The following HELLS variants were observed in gnomAD, a reference collection of about 807,000 sequenced individuals.
The protein encoded by HELLS is helicase, lymphoid specific, also known as lymphoid-specific helicase.
A neutral mutation model predicts 120.0 loss-of-function variants in HELLS; 32 were observed. The ratio of observed to expected loss-of-function variants is 0.27; its 90% CI spans 0.20 to 0.36. The LOEUF (loss-of-function observed/expected upper bound fraction) is 0.36, where lower values mean the gene tolerates loss of function less well. HELLS is among the 10% of genes least tolerant of loss of function. The probability of loss-of-function intolerance (pLI) is 1.00; values close to 1 mark genes in which losing one functional copy is unlikely to be tolerated. For synonymous variants in HELLS, 341 were observed against 323.4 expected, an observed-to-expected ratio of 1.05 and a Z score of -0.58; for missense variants, 650 against 993.4, an observed-to-expected ratio of 0.65 and a Z score of 4.65.
intron 18 of HELLS, among the ~76,000 whole-genome samples, chr10:94,594,449 GATTAT>G (rs1305742448): frequency 6.6e-6 from 1 of 152,152 alleles, no homozygotes; most frequent in Admixed American, 6.5e-5. Flanking sequence ...AAAATGCTGA[GATTAT>G]AGGAGTGAGT....
chr10:94,604,425 T>G (rs1327258243), downstream of HELLS, among the ~76,000 whole-genome samples: 2 of 152,106 alleles, frequency 1.3e-5, no homozygotes, highest in African/African-American at 2.4e-5. Context: ...CAGCCTACTT[T>G]CTATAAAAGT....
At chr10:94,568,347 C>T (rs1843946154) in intron 6 of HELLS, among the ~76,000 whole-genome samples, 1 of 151,938 alleles carries the variant, frequency 6.6e-6, no homozygotes, top group Non-Finnish European at 1.5e-5. Context: ...TTATCTTTTC[C>T]TCTCTTCCGA....
chr10:94,600,180 A>G (rs751271924), intron 21 of HELLS, among the ~76,000 whole-genome samples: 2 of 152,018 alleles, frequency 1.3e-5, no homozygotes, highest in African/African-American at 2.4e-5. Flanking sequence ...AATCCCAGCT[A>G]CTCAGAAGGC....
At chr10:94,577,068 G>A (rs904759425) in intron 10 of HELLS, 5 of 554,370 alleles carry the variant, frequency 9.0e-6, no homozygotes, top group African/African-American at 5.6e-5. Context: ...ACCTAATCTC[G>A]GAATGTATTA....
In HELLS at chr10:94,574,687, T is replaced by C; in HGVS notation, c.839T>C (p.Leu280Ser). 1 of 1,613,908 alleles carries C rather than the reference T, an allele frequency of 6.2e-7. No individual in the cohort carries two copies. The highest frequency in any genetic ancestry group is 8.5e-7 in the Non-Finnish European group (1 of 1,179,866). The change falls in exon 9 of 22, where the codon TTG becomes TCG. Residue 280 changes from leucine to serine, a missense_variant. Leu to Ser is a moderately radical substitution (Grantham distance 145). Transcript: ENST00000348459. Reference sequence around the variant, plus strand: ...GGACCTTTTCTTGTCTGTGGCCCTTTGTCTACACTTCCTAACTGGATGGCT... The same window carrying C: ...GGACCTTTTCTTGTCTGTGGCCCTTCGTCTACACTTCCTAACTGGATGGCT... The part of the protein sequence containing the change: ...VPGPFLVCGP[L>S]STLPNWMAEF...
At chr10:94,598,751 G>A (rs1257729804) in intron 21 of HELLS, among the ~76,000 whole-genome samples, 1 of 150,618 alleles carries the variant, frequency 6.6e-6, no homozygotes, top group South Asian at 2.1e-4. Context: ...ATTTTTTTCT[G>A]TTCACTCATG....
Position 94,545,788 on chromosome 10 carries a change from G to A in HELLS, c.-134G>A. 1.0e-6 allele frequency: 1 copy of A among 999,252 alleles called. No homozygotes were observed. The highest frequency in any genetic ancestry group is 1.4e-5 in the South Asian group (1 of 72,550). The allele number at this position is 999,252 out of a possible 1,614,324, so 61.9% of individuals were successfully genotyped here. ...TCGCGAGATGACAGGATTTTCCCGC[G>A]AAGGAGAAGCGCGCTTTTTTCCCTG... On this transcript the variant is annotated 5_prime_UTR_variant, in exon 1 of 22. Coordinates refer to ENST00000348459, the MANE Select transcript of HELLS (RefSeq NM_018063.5).
chr10:94,547,674 T>C (rs1842801962), intron 2 of HELLS, among the ~76,000 whole-genome samples: 1 of 152,208 alleles, frequency 6.6e-6, no homozygotes, highest in Admixed American at 6.5e-5. Flanking sequence ...GTATAAACAA[T>C]TGCTATTATT....
chr10:94,573,367 G>A (rs57190039), intron 7 of HELLS, among the ~76,000 whole-genome samples: 8,564 of 152,254 alleles, frequency 0.056, 356 homozygotes, highest in African/African-American at 0.1. Context: ...CACAATATTA[G>A]AAGTTTGGAA....
chr10:94,546,898 G>A (rs546882568), intron 2 of HELLS, among the ~76,000 whole-genome samples: 1 of 152,190 alleles, frequency 6.6e-6, no homozygotes, highest in Admixed American at 6.5e-5. Context: ...ACTAGACTGA[G>A]GGCAGGAGAA....
intron 9 of HELLS, among the ~76,000 whole-genome samples, chr10:94,575,713 G>A (rs557187571): frequency 2.3e-4 from 33 of 146,584 alleles, no homozygotes; most frequent in African/African-American, 5.7e-4. Context: ...GAGCCACTGC[G>A]CCCAGCCTAT....
intron 21 of HELLS, among the ~76,000 whole-genome samples, chr10:94,598,403 C>T (rs1407470650): frequency 1.3e-5 from 2 of 152,128 alleles, no homozygotes; most frequent in African/African-American, 4.8e-5. Context: ...AAGGGATCCT[C>T]CAGCCTCAGC....
chr10:94,548,595 T>C (rs1303932151), intron 2 of HELLS, among the ~76,000 whole-genome samples: 1 of 152,206 alleles, frequency 6.6e-6, no homozygotes, highest in Non-Finnish European at 1.5e-5. Flanking sequence ...TTTAATGACA[T>C]TTTTAAGCTT....
intron 10 of HELLS, 124 bp from the exon 11 acceptor site, chr10:94,581,202 C>A (rs569974192): frequency 5.3e-6 from 3 of 562,904 alleles, no homozygotes; most frequent in African/African-American, 1.9e-5. Context: ...TCAGTAGTTA[C>A]TGAAATTACA....
intron 4 of HELLS, among the ~76,000 whole-genome samples, chr10:94,561,454 C>T (rs1475577475): frequency 6.6e-6 from 1 of 151,936 alleles, no homozygotes; most frequent in African/African-American, 2.4e-5. Flanking sequence ...TTCATAAGGG[C>T]GTCAACTATT....
intron 2 of HELLS, among the ~76,000 whole-genome samples, chr10:94,549,052 A>G (rs961842341): frequency 6.6e-6 from 1 of 151,944 alleles, no homozygotes; most frequent in Non-Finnish European, 1.5e-5. Context: ...TTGCTAAAAC[A>G]TTAGTGTTGT....
At chr10:94,558,585 AT>A (rs1843378295) in intron 4 of HELLS, among the ~76,000 whole-genome samples, 1 of 151,984 alleles carries the variant, frequency 6.6e-6, no homozygotes, top group Non-Finnish European at 1.5e-5. Flanking sequence ...GTGTGCTATC[AT>A]GTCTTCTCTT....
intron 2 of HELLS, among the ~76,000 whole-genome samples, chr10:94,546,740 G>T (rs530872383): frequency 2.2e-4 from 34 of 152,328 alleles, no homozygotes; most frequent in African/African-American, 8.2e-4. Flanking sequence ...ACTTTTAAAT[G>T]AGCATTTCAG....
chr10:94,558,177 G>A lies in HELLS; in HGVS notation c.315G>A (p.Glu105=), dbSNP rs756098021. ...KKKEKLERKK[E]SLKVKKGKNS... is the part of the protein sequence containing the mutation. ...AAGAAAAATTGGAGAGAAAAAAGGAGTCTTTAAAAGTTAAAAAGGTAATAT... is the reference window on the plus strand; with the variant it reads ...AAGAAAAATTGGAGAGAAAAAAGGAATCTTTAAAAGTTAAAAAGGTAATAT... The change falls in exon 4 of 22, where the codon GAG becomes GAA. Residue 105 remains glutamate (E), a synonymous_variant. Coordinates refer to ENST00000348459, the MANE Select transcript of HELLS (RefSeq NM_018063.5). The A allele has an allele frequency of 1.3e-6, 2 of 1,564,342 alleles. No homozygotes were observed. The highest frequency in any genetic ancestry group is 4.2e-5 in the Admixed American group (2 of 47,834).
Sources: allele counts gnomAD v4.1 joint callset (sites outside exome capture counted in the v4.1 genomes callset), GRCh38; gene constraint gnomAD v4.1.1; transcripts MANE v1.5; gene names NCBI Gene and HGNC (gene_info 2026-07-23, HGNC 2026-07-21).